The following COQ2 variants were observed in gnomAD, a reference collection of about 807,000 sequenced individuals.
The protein encoded by COQ2 is coenzyme Q2, polyprenyltransferase.
Under a neutral mutation model 35.7 loss-of-function variants are expected in COQ2, and 25 were observed. The ratio of observed to expected loss-of-function variants is 0.70; its 90% CI spans 0.51 to 0.98. COQ2 has a LOEUF of 0.98. COQ2 is among the 50% of genes least tolerant of loss of function. The pLI is 0.00. For missense variants in COQ2, 488 were observed against 473.5 expected, an observed-to-expected ratio of 1.03 and a Z score of -0.28; for synonymous variants, 206 against 186.2, an observed-to-expected ratio of 1.11 and a Z score of -0.86.
intron 6 of COQ2, chr4:83,267,274 T>C (rs1025095913): frequency 4.6e-6 from 2 of 433,858 alleles, no homozygotes; most frequent in African/African-American, 4.1e-5. Flanking sequence ...CTACCCAGGA[T>C]GCTGAGGTGG....
chr4:83,278,910 G>C (rs932987472), intron 2 of COQ2, 38 bp downstream of exon 2: 1 of 1,522,090 alleles, frequency 6.6e-7, no homozygotes, highest in Non-Finnish European at 8.8e-7. Flanking sequence ...CTGCAGAATT[G>C]AGAAGAGCCT....
chr4:83,276,017 A>T (rs1404710635), intron 2 of COQ2, among the ~76,000 whole-genome samples: 6 of 55,622 alleles, frequency 1.1e-4, no homozygotes, highest in Admixed American at 9.9e-4. Flanking sequence ...TATTATATAT[A>T]ATATATATTT....
rs142294058 is a variant in COQ2, at chr4:83,279,296, GAAGA to G, written c.254-186_254-183del. 0.023 allele frequency among the ~76,000 whole-genome samples: 3,530 copies of G among 152,152 alleles called. 138 individuals carry two copies. The highest frequency in any genetic ancestry group is 0.079 in the African/African-American group (3,292 of 41,476). On this transcript the variant is annotated intron_variant, in intron 1 of 6. Coordinates refer to ENST00000647002, the MANE Select transcript of COQ2 (RefSeq NM_001358921.2). ...GACCCCTTACTACGCAGAGTGCCTA[GAAGA>G]AAGAGATCAACAGTCCAATTAAAAA...
rs1448116523 is a variant in COQ2 at position 83,273,516 on chromosome 4, A to G, written c.522T>C (p.Leu174=). The G allele has an allele frequency of 6.2e-7, 1 of 1,613,616 alleles. No individual in the cohort carries two copies. The highest frequency in any genetic ancestry group is 1.3e-5 in the African/African-American group (1 of 74,914). The part of the protein sequence containing the change: ...GGQLTLALGV[L]LCLNYYSIAL... ...TATACCTGTAGTAATTTAGACACAG[A>G]AGAACACCCAGTGCCAGGGTTAGCT... The change falls in exon 3 of 7, where the codon CTT becomes CTC. Residue 174 remains leucine (L), a synonymous_variant. Transcript: ENST00000647002.
intron 1 of COQ2, among the ~76,000 whole-genome samples, chr4:83,279,860 CTTTTTT>C (rs11420227): frequency 1.5e-5 from 2 of 130,158 alleles, no homozygotes; most frequent in Non-Finnish European, 3.2e-5. Context: ...ACGGTCTAGT[CTTTTTT>C]TTTTTTTTTT....
rs568158845 is a variant in COQ2, at chr4:83,281,469, G to C, written c.254-2355C>G. 3.9e-5 allele frequency: 6 copies of C among 152,280 alleles called. No homozygotes were observed. The East Asian group carries it at 1.2e-3, about 29-fold the overall frequency. 9.4% of individuals were successfully genotyped at this position (152,280 alleles called of 1,614,324 possible). A position where few individuals can be genotyped will look rare whatever the true frequency, so the allele number is the denominator to read the frequency against. On this transcript the variant is annotated intron_variant, in intron 1 of 6. Transcript: ENST00000647002. ...GTAGAGCTCCCCTACAGATGACAAG[G>C]GTTCCTACAGTGAAGGGGAAAGTAA...
chr4:83,280,007 C>A (rs1389426155), intron 1 of COQ2, among the ~76,000 whole-genome samples: 2 of 152,016 alleles, frequency 1.3e-5, no homozygotes, highest in Admixed American at 6.6e-5. Flanking sequence ...ACTACAGGTG[C>A]AAGCCACCAT....
At chr4:83,265,640 T>C (rs772073054) in intron 6 of COQ2, among the ~76,000 whole-genome samples, 6 of 152,086 alleles carry the variant, frequency 3.9e-5, no homozygotes, top group Non-Finnish European at 5.9e-5. Context: ...ATTTAAAATA[T>C]AAAGTGGGCT....
chr4:83,269,414 T>C (rs1405824665), intron 5 of COQ2, among the ~76,000 whole-genome samples: 1 of 152,174 alleles, frequency 6.6e-6, no homozygotes, highest in Non-Finnish European at 1.5e-5. Flanking sequence ...AAGAATGTAG[T>C]GGTTAAAAGC....
intron 1 of COQ2, among the ~76,000 whole-genome samples, chr4:83,280,017 T>C (rs1476374059): frequency 6.6e-6 from 1 of 152,074 alleles, no homozygotes; most frequent in Non-Finnish European, 1.5e-5. Context: ...CAAGCCACCA[T>C]GCCCAGGGAA....
At chr4:83,271,553 C>T (rs997200662) in intron 4 of COQ2, among the ~76,000 whole-genome samples, 41 of 152,160 alleles carry the variant, frequency 2.7e-4, no homozygotes, top group Admixed American at 1.5e-3. Flanking sequence ...TGGCACACAT[C>T]TATAATCCCA....
chr4:83,267,880 G>T, intron 5 of COQ2, 106 bp from the exon 6 acceptor site: 2 of 930,944 alleles, frequency 2.1e-6, no homozygotes, highest in Non-Finnish European at 3.2e-6. Flanking sequence ...TATTCACAAG[G>T]TTGTGCAACC....
intron 6 of COQ2, among the ~76,000 whole-genome samples, chr4:83,264,576 G>A (rs1224542088): frequency 1.3e-5 from 2 of 152,080 alleles, no homozygotes; most frequent in African/African-American, 4.8e-5. Context: ...GGTCAAGGCT[G>A]CAATAAGCCA....
intron 2 of COQ2, among the ~76,000 whole-genome samples, chr4:83,277,971 AAAACACACAC>A: frequency 9.9e-6 from 1 of 100,950 alleles, no homozygotes; most frequent in East Asian, 3.0e-4. Context: ...ACTCCATCTC[AAAACACACAC>A]ACACACACAC....
Position 83,264,206 on chromosome 4 carries a change from T to C in COQ2, c.1109A>G (p.Glu370Gly), listed in dbSNP as rs769268024. The C allele has an allele frequency of 2.9e-6, 4 of 1,377,442 alleles. No individual in the cohort carries two copies. Among genetic ancestry groups the C allele is most frequent in the African/African-American group, 3.0e-5 (2 of 66,898 alleles). 85.3% of individuals were successfully genotyped at this position (1,377,442 alleles called of 1,614,324 possible). ...KTKKGIENKIEN is the reference protein window; with the variant it reads ...KTKKGIENKIGN The stretch of plus-strand genomic sequence containing the variant: ...CTAGATAAATTTCATTCATTAATTT[T>C]CTATTTTATTCTCTATACCCTTCTT... The change falls in exon 7 of 7, where the codon GAA becomes GGA. Residue 370 changes from glutamate to glycine, a missense_variant. Transcript: ENST00000647002.
intron 3 of COQ2, among the ~76,000 whole-genome samples, 157 bp from the exon 4 acceptor site, chr4:83,272,329 T>C (rs1008963999): frequency 6.6e-6 from 1 of 152,246 alleles, no homozygotes; most frequent in African/African-American, 2.4e-5. Flanking sequence ...CGACTTTCCC[T>C]ATTATAAAGG....
At chr4:83,269,837 T>G in intron 5 of COQ2, 23 bp downstream of exon 5, 1 of 1,519,800 alleles carries the variant, frequency 6.6e-7, no homozygotes, top group Non-Finnish European at 8.8e-7. Context: ...TAAACCAAAG[T>G]TAAGAAAAGA....
chr4:83,284,255 A>C, intron 1 of COQ2: 1 of 985,366 alleles, frequency 1.0e-6, no homozygotes, highest in Non-Finnish European at 1.2e-6. Context: ...CCTTTAGGAG[A>C]CTGTCCCGAC....
rs781515818 is a variant in COQ2 at position 83,267,624 on chromosome 4, C to T, written c.913G>A (p.Ala305Thr). Reference protein sequence around the residue: ...VNSGQTAPYYAALGAVGAHLT... With the variant: ...VNSGQTAPYYTALGAVGAHLT... ...TGGGCTCCTACAGCACCCAGGGCAG[C>T]GTAGTAGGGAGCAGTCTGTCCACTG... The change falls in exon 6 of 7, where the codon GCT becomes ACT. Residue 305 changes from alanine to threonine, a missense_variant. By Grantham distance (58) the Ala-to-Thr change is moderately conservative (BLOSUM62 0). Transcript: ENST00000647002. 9.5e-6 allele frequency: 15 copies of T among 1,586,348 alleles called. No homozygotes were observed. The highest frequency in any genetic ancestry group is 4.0e-5 in the African/African-American group (3 of 74,134).
Sources: allele counts gnomAD v4.1 joint callset (sites outside exome capture counted in the v4.1 genomes callset), GRCh38; gene constraint gnomAD v4.1.1; transcripts MANE v1.5; gene names NCBI Gene and HGNC (gene_info 2026-07-23, HGNC 2026-07-21).